Variants in PLXNA4 observed in about 807,000 individuals in gnomAD.
PLXNA4 encodes the protein plexin-A4.
A neutral mutation model predicts 191.8 loss-of-function variants in PLXNA4; 44 were observed. The observed-to-expected ratio is 0.23, with a 90% CI of 0.18 to 0.29. PLXNA4 has a LOEUF of 0.29. PLXNA4 is among the 10% of genes least tolerant of loss of function. The pLI is 1.00. For synonymous variants in PLXNA4, 1,082 were observed against 1,009.5 expected, an observed-to-expected ratio of 1.07 and a Z score of -1.36; for missense variants, 1,800 against 2,488.8, an observed-to-expected ratio of 0.72 and a Z score of 5.89.
intron 30 of PLXNA4, among the ~76,000 whole-genome samples, chr7:132,140,148 G>A (rs1161220696): frequency 6.6e-6 from 1 of 152,236 alleles, no homozygotes; most frequent in Non-Finnish European, 1.5e-5. Flanking sequence ...CAGTGACAAA[G>A]GCATCCCCAC....
At chr7:132,546,665 C>T (rs1370969028) in intron 1 of PLXNA4, among the ~76,000 whole-genome samples, 1 of 152,148 alleles carries the variant, frequency 6.6e-6, no homozygotes, top group Non-Finnish European at 1.5e-5. Flanking sequence ...ATGATTGAAA[C>T]AAATGCCCCA....
intron 3 of PLXNA4, among the ~76,000 whole-genome samples, chr7:132,411,233 T>C (rs1794446941): frequency 1.3e-5 from 2 of 152,098 alleles, no homozygotes; most frequent in Non-Finnish European, 2.9e-5. Context: ...AAAGCCCAAG[T>C]TCTCTTGGAG....
chr7:132,639,119 G>T (rs73434742), intron 2 of PLXNA4, among the ~76,000 whole-genome samples: 9 of 152,114 alleles, frequency 5.9e-5, no homozygotes, highest in Non-Finnish European at 1.2e-4. Context: ...CACCCATCAC[G>T]GTGCTGAGCT....
Position 132,127,934 on chromosome 7 carries a change from G to T in PLXNA4, c.*2545C>A, listed in dbSNP as rs373082323. Reference sequence around the variant, plus strand: ...AAAAAATAAAAGCTTCAGCAGAACCGTGATAAGTCTTTTTTCTTTTTTTTT... The same window carrying T: ...AAAAAATAAAAGCTTCAGCAGAACCTTGATAAGTCTTTTTTCTTTTTTTTT... On this transcript the variant is annotated 3_prime_UTR_variant, in exon 32 of 32. Transcript: ENST00000321063. The T allele has an allele frequency of 7.1e-6, 1 of 141,838 alleles. No homozygotes were observed. The highest frequency in any genetic ancestry group is 2.7e-5 in the African/African-American group (1 of 37,500). The allele number at this position is 141,838 out of a possible 1,614,324, so 8.8% of individuals were successfully genotyped here. A position where few individuals can be genotyped will look rare whatever the true frequency, so the allele number is the denominator to read the frequency against.
chr7:132,632,816 G>A (rs1278396057), intron 2 of PLXNA4, among the ~76,000 whole-genome samples: 1 of 152,166 alleles, frequency 6.6e-6, no homozygotes, highest in Non-Finnish European at 1.5e-5. Context: ...AAATAGGACA[G>A]CCTCAACATT....
At chr7:132,526,614 C>T (rs1799411557) in intron 1 of PLXNA4, among the ~76,000 whole-genome samples, 2 of 152,180 alleles carry the variant, frequency 1.3e-5, no homozygotes, top group Non-Finnish European at 2.9e-5. Flanking sequence ...TGCATGTACT[C>T]CTGGCGCCCC....
At chr7:132,454,618 C>G (rs111565068) in intron 3 of PLXNA4, among the ~76,000 whole-genome samples, 2,976 of 152,080 alleles carry the variant, frequency 0.02, 31 homozygotes, top group Middle Eastern at 0.054. Context: ...CTGAATGTGA[C>G]TGTATTTGGA....
At chr7:132,489,592 C>A (rs986155873) in intron 2 of PLXNA4, 118 bp from the exon 3 acceptor site, 1 of 947,970 alleles carries the variant, frequency 1.1e-6, no homozygotes, top group Non-Finnish European at 1.5e-6. Context: ...TGGTAACAAT[C>A]CCTCTTTTTT....
chr7:132,385,620 A>G (rs1805096811), intron 3 of PLXNA4, among the ~76,000 whole-genome samples: 1 of 152,332 alleles, frequency 6.6e-6, no homozygotes, highest in Admixed American at 6.5e-5. Context: ...TGATCAGGAC[A>G]GGATGCCTCA....
At chr7:132,359,946 A>G (rs971789724) in intron 3 of PLXNA4, among the ~76,000 whole-genome samples, 1 of 152,234 alleles carries the variant, frequency 6.6e-6, no homozygotes, top group African/African-American at 2.4e-5. Flanking sequence ...TCTAAATGAA[A>G]GCATCATTTG....
At chr7:132,503,789 T>C (rs1042982478) in intron 2 of PLXNA4, among the ~76,000 whole-genome samples, 5 of 152,168 alleles carry the variant, frequency 3.3e-5, no homozygotes, top group East Asian at 1.9e-4. Flanking sequence ...CCCAAGACAA[T>C]TGGGGCTCTG....
chr7:132,420,256 CT>C (rs1794804314), intron 3 of PLXNA4, among the ~76,000 whole-genome samples: 1 of 152,208 alleles, frequency 6.6e-6, no homozygotes, highest in Admixed American at 6.5e-5. Flanking sequence ...AGAGGATGCA[CT>C]TCTTGTATCA....
chr7:132,391,144 G>A (rs779190684), intron 3 of PLXNA4, among the ~76,000 whole-genome samples: 9 of 152,302 alleles, frequency 5.9e-5, no homozygotes, highest in East Asian at 1.9e-4. Context: ...CCAGGAGGAC[G>A]GAAGGGTACC....
chr7:132,181,980 G>C, intron 17 of PLXNA4, 117 bp downstream of exon 17: 1 of 1,521,966 alleles, frequency 6.6e-7, no homozygotes, highest in Non-Finnish European at 8.9e-7. Flanking sequence ...GTGTCAGGCT[G>C]TGGGTTATCA....
At position 132,337,367 on chromosome 7, in the gene PLXNA4, G is replaced by A. The variant is rs1183102948; in HGVS notation, c.1372-39145C>T. Among the ~76,000 whole-genome samples, 5 of 152,312 alleles carry A rather than the reference G, an allele frequency of 3.3e-5. No individual in the cohort carries two copies. The East Asian group carries it at 9.6e-4, about 29-fold the overall frequency. On this transcript the variant is annotated intron_variant, in intron 3 of 31. Coordinates refer to ENST00000321063, the MANE Select transcript of PLXNA4 (RefSeq NM_020911.2). ...CCTGGCTGTGGAAGCACATCAAATT[G>A]TGCACATGAATACTCAGATGCATGC...
At chr7:132,181,348 T>A (rs1562903605) in intron 18 of PLXNA4, 33 bp downstream of exon 18, 2 of 1,612,364 alleles carry the variant, frequency 1.2e-6, no homozygotes, top group East Asian at 2.2e-5. Flanking sequence ...CCCCTTCTTT[T>A]CCCACCCCCG....
At chr7:132,340,719 C>G (rs1490974947) in intron 3 of PLXNA4, among the ~76,000 whole-genome samples, 1 of 152,186 alleles carries the variant, frequency 6.6e-6, no homozygotes, top group Non-Finnish European at 1.5e-5. Flanking sequence ...TTTCTCATGC[C>G]CAGGCTAGAG....
At chr7:132,284,522 C>T (rs539726413) in intron 4 of PLXNA4, among the ~76,000 whole-genome samples, 1 of 152,276 alleles carries the variant, frequency 6.6e-6, no homozygotes, top group Non-Finnish European at 1.5e-5. Context: ...AAGGTGATCT[C>T]AGGTGTGAGT....
In PLXNA4 at chr7:132,126,574, G is replaced by T. The variant is rs1794773956; in HGVS notation, c.*3905C>A. The T allele has an allele frequency of 6.6e-6, 1 of 152,442 alleles. No homozygotes were observed. Among genetic ancestry groups the T allele is most frequent in the Non-Finnish European group, 1.5e-5 (1 of 68,252 alleles). The allele number at this position is 152,442 out of a possible 1,614,324, so 9.4% of individuals were successfully genotyped here. ...GGCCAGTACATCAACCTTCACTGCT[G>T]GTGGGCGCAGGTAGCTGGGCCTGAG... is the stretch of plus-strand genomic sequence containing the variant. On this transcript the variant is annotated 3_prime_UTR_variant, in exon 32 of 32. Transcript: ENST00000321063.
Sources: allele counts gnomAD v4.1 joint callset (sites outside exome capture counted in the v4.1 genomes callset), GRCh38; gene constraint gnomAD v4.1.1; transcripts MANE v1.5; gene names NCBI Gene and HGNC (gene_info 2026-07-23, HGNC 2026-07-21).